The following PDE4D variants were observed in gnomAD, a reference collection of about 807,000 sequenced individuals.
PDE4D encodes the protein phosphodiesterase 4D.
A neutral mutation model predicts 87.4 loss-of-function variants in PDE4D; 24 were observed. That is an observed-to-expected ratio of 0.27 (90% CI 0.20 to 0.39). The LOEUF is 0.39. Among genes scored for constraint, PDE4D ranks in the 10% least tolerant of loss-of-function variants. The probability of loss-of-function intolerance (pLI) is 1.00; values close to 1 mark genes in which losing one functional copy is unlikely to be tolerated. For missense variants in PDE4D, 714 were observed against 1,041.0 expected (o/e 0.69, Z 4.32); for synonymous variants, 384 against 383.2 (o/e 1.00, Z -0.02).
chr5:59,118,403 G>A (rs943672174), intron 5 of PDE4D, among the ~76,000 whole-genome samples: 2 of 152,036 alleles, frequency 1.3e-5, no homozygotes, highest in Admixed American at 6.5e-5. Flanking sequence ...TTCCACCTGC[G>A]TATCTCATGG....
At chr5:59,091,094 T>A in intron 5 of PDE4D, 1 of 454,236 alleles carries the variant, frequency 2.2e-6, no homozygotes, top group Non-Finnish European at 4.4e-6. Flanking sequence ...TCATTAGTAA[T>A]CAGAGAAATG....
chr5:59,602,338 G>A (rs927895204), intron 1 of PDE4D, among the ~76,000 whole-genome samples: 2 of 151,970 alleles, frequency 1.3e-5, no homozygotes, highest in African/African-American at 4.8e-5. Context: ...AAAGTTGAAA[G>A]CTTTTCCTTT....
intron 1 of PDE4D, among the ~76,000 whole-genome samples, chr5:60,431,572 G>A (rs1279484116): frequency 3.3e-5 from 5 of 149,344 alleles, no homozygotes; most frequent in South Asian, 4.3e-4. Context: ...GGGCAGAGAC[G>A]CTCCTCACTT....
chr5:59,030,913 G>A (rs893117872), intron 6 of PDE4D, among the ~76,000 whole-genome samples: 3 of 152,052 alleles, frequency 2.0e-5, no homozygotes, highest in African/African-American at 7.3e-5. Flanking sequence ...AGGTAAACAT[G>A]TGCCATGTTT....
At chr5:59,596,997 G>A (rs1026807835) in intron 1 of PDE4D, among the ~76,000 whole-genome samples, 4 of 152,064 alleles carry the variant, frequency 2.6e-5, no homozygotes, top group Non-Finnish European at 4.4e-5. Context: ...AAAAGAAATC[G>A]GTGATTGTAT....
chr5:60,206,080 C>T lies in PDE4D; in HGVS notation c.-89-20393G>A, dbSNP rs866685134. 4.6e-5 allele frequency among the ~76,000 whole-genome samples: 7 copies of T among 152,278 alleles called. 1 individual carries two copies. In the Middle Eastern group the frequency reaches 0.014, roughly 298 times the overall value. ...TTTCTTGAAAAAATGCTGACTTCTG[C>T]ATCCTGACCCTCTCAGCTTCTTTTC... On this transcript the variant is annotated intron_variant, in intron 1 of 16. Coordinates refer to the PDE4D transcript ENST00000502484.
chr5:59,127,230 G>A (rs1207864287), intron 5 of PDE4D, among the ~76,000 whole-genome samples: 1 of 152,120 alleles, frequency 6.6e-6, no homozygotes, highest in African/African-American at 2.4e-5. Flanking sequence ...CTTTGTAGTA[G>A]CTCCTTTGAA....
chr5:60,241,827 AT>A (rs1747165834), intron 1 of PDE4D, among the ~76,000 whole-genome samples: 1 of 152,114 alleles, frequency 6.6e-6, no homozygotes, highest in South Asian at 2.1e-4. Context: ...CACCAAGCAG[AT>A]TTAACCCGAA....
At chr5:59,028,610 T>A (rs1342686178) in intron 6 of PDE4D, among the ~76,000 whole-genome samples, 1 of 151,850 alleles carries the variant, frequency 6.6e-6, no homozygotes, top group Non-Finnish European at 1.5e-5. Flanking sequence ...AGGCAGAGAA[T>A]GAATCCAATT....
chr5:59,664,494 G>A (rs538661155), intron 1 of PDE4D, among the ~76,000 whole-genome samples: 8 of 152,278 alleles, frequency 5.3e-5, no homozygotes, highest in Non-Finnish European at 5.9e-5. Flanking sequence ...TTCATGAACT[G>A]CTTGCCTTGC....
chr5:59,522,687 T>C lies in PDE4D; in HGVS notation c.456-306719A>G, dbSNP rs368278887. 1.2e-4 allele frequency among the ~76,000 whole-genome samples: 18 copies of C among 151,892 alleles called. No homozygotes were observed. In the Middle Eastern group the frequency reaches 0.01, roughly 86 times the overall value. On this transcript the variant is annotated intron_variant, in intron 1 of 14. Coordinates refer to ENST00000340635, the MANE Select transcript of PDE4D (RefSeq NM_001104631.2). The stretch of plus-strand genomic sequence containing the variant: ...GAATCTTGAGGAGTAAAATTGCCTA[T>C]GCCATTTCACATGAATGATATACAG...
intron 1 of PDE4D, among the ~76,000 whole-genome samples, chr5:59,752,614 A>C (rs1760637326): frequency 6.6e-6 from 1 of 152,064 alleles, no homozygotes; most frequent in Non-Finnish European, 1.5e-5. Flanking sequence ...ACAAGGGAAA[A>C]CTGGCAGTGC....
chr5:59,304,520 T>C (rs1000026232), intron 1 of PDE4D, among the ~76,000 whole-genome samples: 6 of 152,140 alleles, frequency 3.9e-5, no homozygotes, highest in Admixed American at 3.9e-4. Flanking sequence ...CAGTATTACG[T>C]TGGCTGTGGG....
At chr5:59,000,696 A>C (rs1021726194) in intron 6 of PDE4D, among the ~76,000 whole-genome samples, 1 of 152,012 alleles carries the variant, frequency 6.6e-6, no homozygotes, top group Non-Finnish European at 1.5e-5. Flanking sequence ...AGAATATTTT[A>C]TTTATTTATT....
intron 1 of PDE4D, among the ~76,000 whole-genome samples, chr5:59,521,043 A>G (rs1338314017): frequency 6.6e-6 from 1 of 152,110 alleles, no homozygotes; most frequent in Admixed American, 6.5e-5. Flanking sequence ...AGAGACATGC[A>G]TCATGAAGGT....
rs1019909174 is a variant in PDE4D, at chr5:59,663,339, AT to A, written c.455+229828del. ...GCCACCACACCTGGCTAATTTTTGT[AT>A]TTTTTTTTTCAGTAGAGATGGGGTG... On this transcript the variant is annotated intron_variant, in intron 1 of 14. Coordinates refer to ENST00000340635, the MANE Select transcript of PDE4D (RefSeq NM_001104631.2). 1.5e-3 allele frequency among the ~76,000 whole-genome samples: 223 copies of A among 146,830 alleles called. 1 individual carries two copies. Among genetic ancestry groups the A allele is most frequent in the African/African-American group, 5.1e-3 (202 of 39,964 alleles).
chr5:59,400,950 TC>T (rs1790500315), intron 1 of PDE4D, among the ~76,000 whole-genome samples: 1 of 152,136 alleles, frequency 6.6e-6, no homozygotes, highest in Non-Finnish European at 1.5e-5. Flanking sequence ...AGCATCCCCA[TC>T]CAAAAACCTA....
intron 1 of PDE4D, among the ~76,000 whole-genome samples, chr5:60,366,257 T>A (rs548031516): frequency 1.4e-4 from 21 of 152,024 alleles, no homozygotes; most frequent in African/African-American, 5.1e-4. Flanking sequence ...TTTCTCAGGG[T>A]TTTTATATCT....
chr5:59,158,094 C>T (rs1347634553), intron 5 of PDE4D, among the ~76,000 whole-genome samples: 1 of 152,136 alleles, frequency 6.6e-6, no homozygotes, highest in Non-Finnish European at 1.5e-5. Flanking sequence ...GGTATGTGCT[C>T]TTCAAAGCCC....
Sources: gnomAD v4.1 joint callset for allele counts (sites outside exome capture counted in the v4.1 genomes callset) on GRCh38, gnomAD v4.1.1 for gene constraint, MANE v1.5 for transcripts, NCBI Gene and HGNC (gene_info 2026-07-23, HGNC 2026-07-21) for gene names.